The following PRKDC variants were observed in gnomAD, a reference collection of about 807,000 sequenced individuals.
PRKDC encodes the protein protein kinase, DNA-activated, catalytic subunit, also known as DNA-dependent protein kinase catalytic subunit.
PRKDC carries 82 observed loss-of-function variants against 486.9 expected under a neutral mutation model. That is an observed-to-expected ratio of 0.17 (90% confidence interval 0.14 to 0.20). The LOEUF is 0.20. Among genes scored for constraint, PRKDC ranks in the 10% least tolerant of loss-of-function variants. The probability of loss-of-function intolerance (pLI) is 1.00; values close to 1 mark genes in which losing one functional copy is unlikely to be tolerated. For missense variants in PRKDC, 4,504 were observed against 5,038.2 expected, an observed-to-expected ratio of 0.89 and a Z score of 3.21; for synonymous variants, 1,895 against 1,837.0, an observed-to-expected ratio of 1.03 and a Z score of -0.81.
At chr8:47,831,517 G>T (rs1292349325) in intron 60 of PRKDC, among the ~76,000 whole-genome samples, 1 of 152,072 alleles carries the variant, frequency 6.6e-6, no homozygotes, top group African/African-American at 2.4e-5. Context: ...TGAAGCGAGG[G>T]CCAGTGAAGT....
intron 45 of PRKDC, among the ~76,000 whole-genome samples, chr8:47,860,228 T>C (rs959553609): frequency 1.3e-5 from 2 of 152,020 alleles, no homozygotes; most frequent in African/African-American, 4.8e-5. Context: ...AAGGAGCATA[T>C]AGAGGGATAG....
In PRKDC at chr8:47,946,817, G is replaced by A. The variant is rs113750214; in HGVS notation, c.722-2788C>T. 3.7e-3 allele frequency among the ~76,000 whole-genome samples: 560 copies of A among 152,158 alleles called. 4 individuals are homozygous for A. Among genetic ancestry groups the A allele is most frequent in the South Asian group, 0.024 (116 of 4,822 alleles). On this transcript the variant is annotated intron_variant, in intron 7 of 85. Transcript: ENST00000314191. Reference sequence around the variant, plus strand: ...AAGGCCAGGTTTCTACAAAAAACCCGGTCTCTCCCATCCCATTCAGCTTAG... The same window carrying A: ...AAGGCCAGGTTTCTACAAAAAACCCAGTCTCTCCCATCCCATTCAGCTTAG...
intron 7 of PRKDC, among the ~76,000 whole-genome samples, chr8:47,945,345 T>C (rs962257852): frequency 1.3e-5 from 2 of 152,230 alleles, no homozygotes; most frequent in Non-Finnish European, 2.9e-5. Context: ...ACCATCACTA[T>C]TGTCTATACC....
chr8:47,846,054 C>T (rs924081971), intron 54 of PRKDC, among the ~76,000 whole-genome samples: 3 of 152,100 alleles, frequency 2.0e-5, no homozygotes, highest in Non-Finnish European at 2.9e-5. Context: ...TGATTCACCA[C>T]ATAAACAGAA....
rs373079081 is a variant in PRKDC at position 47,912,473 on chromosome 8, G to A, written c.2871C>T (p.Pro957=). ...QMPEGGQGAP[P]MYQLYKRTFP... The stretch of plus-strand genomic sequence containing the variant: ...ACGTCCGCTTATAGAGCTGGTACAT[G>A]GGTGGGGCTCCCTGTCCCCCTTCTG... The change falls in exon 25 of 86, where the codon CCC becomes CCT. Residue 957 remains proline, a synonymous_variant. Transcript: ENST00000314191. 5 of 1,612,638 alleles carry A rather than the reference G, an allele frequency of 3.1e-6. No individual in the cohort carries two copies. The African/African-American group carries it at 6.7e-5, about 22-fold the overall frequency.
intron 26 of PRKDC, among the ~76,000 whole-genome samples, chr8:47,903,721 C>G (rs2089725859): frequency 6.6e-6 from 1 of 152,150 alleles, no homozygotes; most frequent in Admixed American, 6.5e-5. Flanking sequence ...CTTTCTTAAT[C>G]TCTTACTTAA....
Position 47,849,440 on chromosome 8 carries a change from C to T in PRKDC, c.7069G>A (p.Glu2357Lys). Residue 2357 changes from glutamate (E) to lysine (K), a missense_variant, in exon 53 of 86, where the codon GAG becomes AAG. By Grantham distance (56) the Glu-to-Lys change is moderately conservative (BLOSUM62 1). This residue lies in a region of PRKDC where 1,592 missense variants were observed against 1,724.6 expected (regional missense o/e 0.92). Transcript: ENST00000314191. ...KQLKQHQNTM[E>K]DKFIVCLNKV... is the part of the protein sequence containing the mutation. The stretch of plus-strand genomic sequence containing the variant: ...TTCAAGCACACAATAAACTTGTCCT[C>T]CATAGTATTCTGATGTTGCTTCAAT... 1 of 1,614,008 alleles carries T rather than the reference C, an allele frequency of 6.2e-7. No individual in the cohort carries two copies. Among genetic ancestry groups the T allele is most frequent in the Non-Finnish European group, 8.5e-7 (1 of 1,179,882 alleles).
At chr8:47,952,459 G>T (rs1589816803) in intron 7 of PRKDC, among the ~76,000 whole-genome samples, 1 of 152,144 alleles carries the variant, frequency 6.6e-6, no homozygotes, top group Non-Finnish European at 1.5e-5. Flanking sequence ...GCCAAGATGG[G>T]GGAAGAGATT....
intron 10 of PRKDC, 117 bp from the exon 11 acceptor site, chr8:47,939,814 A>G (rs1377142461): frequency 2.2e-6 from 2 of 896,620 alleles, no homozygotes; most frequent in African/African-American, 1.7e-5. Flanking sequence ...GTTACACGCA[A>G]TTGCTTTTAA....
Position 47,912,614 on chromosome 8 carries a change from G to C in PRKDC, c.2782-52C>G, listed in dbSNP as rs2089923980. The C allele has an allele frequency of 7.5e-6, 11 of 1,463,116 alleles. No homozygotes were observed. The East Asian group carries it at 2.8e-4, about 37-fold the overall frequency. The allele number at this position is 1,463,116 out of a possible 1,614,324, so 90.6% of individuals were successfully genotyped here. A position where few individuals can be genotyped will look rare whatever the true frequency, so the allele number is the denominator to read the frequency against. On this transcript the variant is annotated intron_variant, in intron 24 of 85. Coordinates refer to ENST00000314191, the MANE Select transcript of PRKDC (RefSeq NM_006904.7). ...GTTTAAGTTATCACGTTGATGACAA[G>C]AGAATATTTGAAATGTCACTCAATT... is the stretch of plus-strand genomic sequence containing the variant.
chr8:47,906,127 C>T (rs969373740), intron 25 of PRKDC, among the ~76,000 whole-genome samples: 4 of 152,144 alleles, frequency 2.6e-5, no homozygotes, highest in African/African-American at 9.7e-5. Context: ...TCGGGAGGGT[C>T]TTTTGAAGCC....
chr8:47,848,600 G>A lies in PRKDC; in HGVS notation c.7280+554C>T, dbSNP rs565883138. Among the ~76,000 whole-genome samples the A allele has an allele frequency of 1.1e-4, 16 of 148,290 alleles. No individual in the cohort carries two copies. The South Asian group carries it at 2.4e-3, about 22-fold the overall frequency. On this transcript the variant is annotated intron_variant, in intron 54 of 85. Transcript: ENST00000314191. The stretch of plus-strand genomic sequence containing the variant: ...CCTCAGCATTACGCAATATACCTTC[G>A]TAACAAACCTGCACTTGTACTTCCT...
chr8:47,885,872 A>G (rs1402507188), intron 36 of PRKDC, 72 bp downstream of exon 36: 3 of 1,465,634 alleles, frequency 2.0e-6, no homozygotes, highest in Non-Finnish European at 2.8e-6. Flanking sequence ...AGCCTGGGCG[A>G]AAGTGCAAGA....
intron 22 of PRKDC, among the ~76,000 whole-genome samples, chr8:47,916,385 T>A (rs186233474): frequency 7.2e-5 from 11 of 151,752 alleles, no homozygotes; most frequent in African/African-American, 2.2e-4. Flanking sequence ...GAGGTGGAGG[T>A]TGCAGTGAGC....
intron 34 of PRKDC, 128 bp downstream of exon 34, chr8:47,888,390 C>T: frequency 1.4e-6 from 1 of 740,090 alleles, no homozygotes; most frequent in Non-Finnish European, 2.0e-6. Flanking sequence ...ATGTCTTGAG[C>T]AAGTATTTCT....
chr8:47,871,315 A>T (rs1327027403), intron 40 of PRKDC, among the ~76,000 whole-genome samples: 2 of 152,228 alleles, frequency 1.3e-5, no homozygotes, highest in African/African-American at 4.8e-5. Flanking sequence ...AGTCAAGAAT[A>T]AAGAAAGGAT....
In PRKDC at chr8:47,813,044, A is replaced by T. The variant is rs549035928; in HGVS notation, c.9557+4406T>A. 3.9e-5 allele frequency among the ~76,000 whole-genome samples: 6 copies of T among 152,108 alleles called. No homozygotes were observed. The South Asian group carries it at 1.2e-3, about 31-fold the overall frequency. On this transcript the variant is annotated intron_variant, in intron 68 of 85. Coordinates refer to ENST00000314191, the MANE Select transcript of PRKDC (RefSeq NM_006904.7). ...AGAAATTTAAAAAGAAAATGGACAA[A>T]GTGATTGAAAAATACAATTTAACAA...
intron 48 of PRKDC, 98 bp downstream of exon 48, chr8:47,858,418 T>A: frequency 8.3e-7 from 1 of 1,198,706 alleles, no homozygotes; most frequent in South Asian, 1.8e-5. Context: ...TGTGTGTTTT[T>A]AAGTATATTC....
intron 67 of PRKDC, 82 bp downstream of exon 67, chr8:47,819,320 T>C (rs2087528411): frequency 1.1e-6 from 1 of 909,966 alleles, no homozygotes; most frequent in South Asian, 1.7e-5. Flanking sequence ...AAACATGCAC[T>C]TTCACTAAGC....
Sources: allele counts gnomAD v4.1 joint callset (sites outside exome capture counted in the v4.1 genomes callset), GRCh38; gene constraint gnomAD v4.1.1; regional missense constraint gnomAD v4.1.1; transcripts MANE v1.5; gene names NCBI Gene and HGNC (gene_info 2026-07-23, HGNC 2026-07-21).